NRXN3: variants seen among roughly 807,000 people sequenced by gnomAD.
NRXN3 encodes the protein neurexin III.
A neutral mutation model predicts 137.6 loss-of-function variants in NRXN3; 32 were observed. That is an observed-to-expected ratio of 0.23 (90% CI 0.18 to 0.31). NRXN3 has a LOEUF of 0.31. NRXN3 is among the 10% of genes least tolerant of loss of function. NRXN3 has a pLI of 1.00. For missense variants in NRXN3, 1,574 were observed against 2,062.5 expected, an observed-to-expected ratio of 0.76 and a Z score of 4.59; for synonymous variants, 798 against 784.5, an observed-to-expected ratio of 1.02 and a Z score of -0.29.
intron 15 of NRXN3, among the ~76,000 whole-genome samples, chr14:79,140,323 C>T (rs559558794): frequency 2.6e-5 from 4 of 152,102 alleles, no homozygotes; most frequent in Admixed American, 6.6e-5. Context: ...TACATACCTA[C>T]GTTTGAGAGA....
chr14:78,822,483 T>C (rs1158719055), intron 10 of NRXN3, among the ~76,000 whole-genome samples: 1 of 152,042 alleles, frequency 6.6e-6, no homozygotes, highest in Non-Finnish European at 1.5e-5. Context: ...GAGACCATCC[T>C]GGCCAACATG....
chr14:79,499,410 A>AT, intron 16 of NRXN3, among the ~76,000 whole-genome samples: 1 of 152,138 alleles, frequency 6.6e-6, no homozygotes, highest in East Asian at 1.9e-4. Flanking sequence ...CCTCCTCAAA[A>AT]TGATCTTTTT....
At chr14:79,040,731 A>C (rs1361780564) in intron 15 of NRXN3, among the ~76,000 whole-genome samples, 1 of 152,124 alleles carries the variant, frequency 6.6e-6, no homozygotes, top group Non-Finnish European at 1.5e-5. Context: ...AAAGAAACTG[A>C]TGAGGGCTGG....
chr14:78,378,169 T>C lies in NRXN3; in HGVS notation c.757+80309T>C, dbSNP rs77137419. ...ATACAAGAGACTTCTAAATAACCCA[T>C]AAGTTAGAGGAAGTTTCAAGAAATC... On this transcript the variant is annotated intron_variant, in intron 4 of 20. Coordinates refer to ENST00000335750, the MANE Select transcript of NRXN3 (RefSeq NM_001330195.2). Among the ~76,000 whole-genome samples, 60 of 152,168 alleles carry C rather than the reference T, an allele frequency of 3.9e-4. No individual in the cohort carries two copies. The East Asian group carries it at 0.011, about 28-fold the overall frequency.
At chr14:78,345,936 G>A (rs902206097) in intron 4 of NRXN3, among the ~76,000 whole-genome samples, 2 of 152,178 alleles carry the variant, frequency 1.3e-5, no homozygotes, top group Non-Finnish European at 1.5e-5. Flanking sequence ...CTCTAGCTCT[G>A]AAGGGCCTGG....
chr14:79,137,727 G>A (rs1399826652), intron 15 of NRXN3, among the ~76,000 whole-genome samples: 1 of 152,046 alleles, frequency 6.6e-6, no homozygotes, highest in Non-Finnish European at 1.5e-5. Flanking sequence ...GGATATCATA[G>A]CTTAAAAAAT....
chr14:79,271,250 T>C (rs1448828219), intron 15 of NRXN3, among the ~76,000 whole-genome samples: 2 of 152,234 alleles, frequency 1.3e-5, no homozygotes, highest in African/African-American at 4.8e-5. Context: ...CTCCTGGCTA[T>C]GCCATTATTA....
chr14:79,517,040 A>G (rs996579176), intron 16 of NRXN3, among the ~76,000 whole-genome samples: 1 of 151,748 alleles, frequency 6.6e-6, no homozygotes, highest in Non-Finnish European at 1.5e-5. Context: ...TGTAATTTCA[A>G]TAGATAGAAG....
At chr14:78,446,096 A>G (rs777760629) in intron 4 of NRXN3, among the ~76,000 whole-genome samples, 5 of 152,180 alleles carry the variant, frequency 3.3e-5, no homozygotes, top group Non-Finnish European at 5.9e-5. Context: ...CCTTGCCCAT[A>G]ACCATTAATC....
At chr14:79,218,467 T>C (rs1175369720) in intron 15 of NRXN3, among the ~76,000 whole-genome samples, 1 of 151,920 alleles carries the variant, frequency 6.6e-6, no homozygotes, top group Non-Finnish European at 1.5e-5. Flanking sequence ...GTACTTGGAG[T>C]ATATAGGAAT....
chr14:79,030,120 G>A (rs915948255), intron 15 of NRXN3, among the ~76,000 whole-genome samples: 2 of 146,452 alleles, frequency 1.4e-5, no homozygotes, highest in Non-Finnish European at 3.0e-5. Context: ...GAGCTCAAGC[G>A]ACCCACCTGC....
At chr14:79,364,939 T>C (rs2093825306) in intron 15 of NRXN3, among the ~76,000 whole-genome samples, 1 of 152,142 alleles carries the variant, frequency 6.6e-6, no homozygotes, top group Non-Finnish European at 1.5e-5. Flanking sequence ...CTCTTCTATA[T>C]ATTGGTGCTT....
rs1248114043 is a variant in NRXN3 at position 79,862,855 on chromosome 14, T to G, written c.*891T>G. On this transcript the variant is annotated 3_prime_UTR_variant, in exon 21 of 21. Transcript: ENST00000335750. ...AACCCGGAACAGATGGGTTTAGGGCTGGTGTTATCAGAGCTATTGGCTTTA... is the reference window on the plus strand; with the variant it reads ...AACCCGGAACAGATGGGTTTAGGGCGGGTGTTATCAGAGCTATTGGCTTTA... 1 of 152,512 alleles carries G rather than the reference T, an allele frequency of 6.6e-6. No homozygotes were observed. The highest frequency in any genetic ancestry group is 1.5e-5 in the Non-Finnish European group (1 of 68,032). The allele number at this position is 152,512 out of a possible 1,614,324, so 9.4% of individuals were successfully genotyped here.
At chr14:79,610,722 A>C (rs1438332596) in intron 16 of NRXN3, among the ~76,000 whole-genome samples, 2 of 152,224 alleles carry the variant, frequency 1.3e-5, no homozygotes, top group Non-Finnish European at 2.9e-5. Flanking sequence ...GCCCTTTTTT[A>C]GGAGGCAAAC....
At chr14:78,225,978 T>TTGGG (rs1374693240) in intron 1 of NRXN3, among the ~76,000 whole-genome samples, 95 of 123,916 alleles carry the variant, frequency 7.7e-4, no homozygotes, top group African/African-American at 2.5e-3. Context: ...TGTGTTGGTG[T>TTGGG]GTGTGTGTGT....
intron 6 of NRXN3, among the ~76,000 whole-genome samples, chr14:78,652,095 C>T (rs1179603572): frequency 6.6e-6 from 1 of 152,178 alleles, no homozygotes; most frequent in African/African-American, 2.4e-5. Context: ...CTAAAAGTGG[C>T]TCAATCTGTT....
intron 2 of NRXN3, among the ~76,000 whole-genome samples, chr14:78,263,736 A>G (rs1353566511): frequency 6.6e-6 from 1 of 152,082 alleles, no homozygotes; most frequent in Non-Finnish European, 1.5e-5. Context: ...TTTTGTGGCC[A>G]TTATTTCTGC....
chr14:78,737,353 G>A (rs1359371913), intron 8 of NRXN3, among the ~76,000 whole-genome samples: 2 of 152,102 alleles, frequency 1.3e-5, no homozygotes, highest in Non-Finnish European at 2.9e-5. Flanking sequence ...GTGCACTATA[G>A]GAAATCCGGA....
chr14:79,108,486 A>G (rs1190097629), intron 15 of NRXN3, among the ~76,000 whole-genome samples: 1 of 152,182 alleles, frequency 6.6e-6, no homozygotes, highest in African/African-American at 2.4e-5. Flanking sequence ...CTGGATATGT[A>G]GGACATCAAA....
Sources: gnomAD v4.1 joint callset for allele counts (sites outside exome capture counted in the v4.1 genomes callset) on GRCh38, gnomAD v4.1.1 for gene constraint, MANE v1.5 for transcripts, NCBI Gene and HGNC (gene_info 2026-07-23, HGNC 2026-07-21) for gene names.